CREG2: variants seen among roughly 807,000 people sequenced by gnomAD.
The protein encoded by CREG2 is cellular repressor of E1A stimulated genes 2.
A neutral mutation model predicts 26.2 loss-of-function variants in CREG2; 24 were observed. The ratio of observed to expected loss-of-function variants is 0.92; its 90% CI spans 0.66 to 1.29. The LOEUF is 1.29. CREG2 is among the 50% of genes most tolerant of loss of function. CREG2 has a pLI of 0.00. For missense variants in CREG2, 366 were observed against 398.6 expected, an observed-to-expected ratio of 0.92 and a Z score of 0.70; for synonymous variants, 174 against 169.2, an observed-to-expected ratio of 1.03 and a Z score of -0.22.
intron 1 of CREG2, among the ~76,000 whole-genome samples, chr2:101,385,905 G>A (rs773081348): frequency 6.6e-6 from 1 of 152,192 alleles, no homozygotes; most frequent in Non-Finnish European, 1.5e-5. Context: ...ACATTGGCAC[G>A]AGACTATTTA....
In CREG2 at chr2:101,350,929, C is replaced by T; in HGVS notation, c.867G>A (p.Lys289=). 1.2e-6 allele frequency: 2 copies of T among 1,614,072 alleles called. No homozygotes were observed. The highest frequency in any genetic ancestry group is 2.2e-5 in the South Asian group (2 of 91,056). The change falls in exon 4 of 4, where the codon AAG becomes AAA. Residue 289 remains lysine (K), a synonymous_variant. Transcript: ENST00000324768. Reference sequence around the variant, plus strand: ...GGACTTTCTTCTCACTCCATCAGGCCTTTCTGGGAACTGCTTTGAAATATT... The same window carrying T: ...GGACTTTCTTCTCACTCCATCAGGCTTTTCTGGGAACTGCTTTGAAATATT... The part of the protein sequence containing the change: ...REEYFKAVPR[K]A
At chr2:101,355,141 G>A (rs139294792) in intron 3 of CREG2, 112 bp downstream of exon 3, 51 of 702,832 alleles carry the variant, frequency 7.3e-5, no homozygotes, top group Non-Finnish European at 1.2e-4. Flanking sequence ...CCCACCGAAG[G>A]GCAGTGGAGA....
chr2:101,351,017 A>G lies in CREG2; in HGVS notation c.779T>C (p.Met260Thr), dbSNP rs768919038. The G allele has an allele frequency of 1.2e-6, 2 of 1,614,116 alleles. No individual in the cohort carries two copies. Among genetic ancestry groups the G allele is most frequent in the Admixed American group, 3.3e-5 (2 of 60,026 alleles). The change falls in exon 4 of 4, where the codon ATG becomes ACG. Residue 260 changes from methionine to threonine, a missense_variant. Met to Thr is a moderately conservative substitution (Grantham distance 81). This residue lies in a region of CREG2 where 174 missense variants were observed against 178.2 expected (regional missense o/e 0.98). Transcript: ENST00000324768. ...CTGAAGCCAGATATGTTCTATCCTC[A>G]TCTTCATAAAGAACCATTCATATTG... Reference protein sequence around the residue: ...PRQYEWFFMKMRIEHIWLQKW... With the variant: ...PRQYEWFFMKTRIEHIWLQKW...
chr2:101,383,511 G>A (rs189032604), intron 2 of CREG2, 22 bp downstream of exon 2: 49 of 1,612,714 alleles, frequency 3.0e-5, no homozygotes, highest in Non-Finnish European at 3.9e-5. Context: ...ACCCGTGTGA[G>A]TGAGGGCAAA....
At chr2:101,368,700 G>A (rs1191569724) in intron 2 of CREG2, among the ~76,000 whole-genome samples, 2 of 152,190 alleles carry the variant, frequency 1.3e-5, no homozygotes, top group East Asian at 1.9e-4. Context: ...GGGAAAGCAC[G>A]CTAGACAAAA....
chr2:101,353,784 A>G (rs1684415144), intron 3 of CREG2, among the ~76,000 whole-genome samples: 1 of 152,236 alleles, frequency 6.6e-6, no homozygotes, highest in Non-Finnish European at 1.5e-5. Flanking sequence ...CTATGCAGCC[A>G]TAGAAAAGGA....
chr2:101,359,057 AAAAAAAAAAAAAAAAG>A lies in CREG2; in HGVS notation c.612-3707_612-3692del, dbSNP rs1428122893. ...CTCAAAAAAAAAAAAAAAAAAAAAA[AAAAAAAAAAAAAAAAG>A]AGAGAACTGAGGCAAGTTTTAGAGC... On this transcript the variant is annotated intron_variant, in intron 2 of 3. Coordinates refer to ENST00000324768, the MANE Select transcript of CREG2 (RefSeq NM_153836.4). Among the ~76,000 whole-genome samples, 20 of 17,170 alleles carry A rather than the reference AAAAAAAAAAAAAAAAG, an allele frequency of 1.2e-3. 5 individuals are homozygous for A. The highest frequency in any genetic ancestry group is 3.1e-3 in the Admixed American group (4 of 1,300). The allele number at this position is 17,170 out of a possible 152,430, so 11.3% of individuals were successfully genotyped here. A position where few individuals can be genotyped will look rare whatever the true frequency, so the allele number is the denominator to read the frequency against.
At chr2:101,379,911 G>T (rs1214231074) in intron 2 of CREG2, among the ~76,000 whole-genome samples, 1 of 152,146 alleles carries the variant, frequency 6.6e-6, no homozygotes, top group Non-Finnish European at 1.5e-5. Flanking sequence ...GGGAGACCAA[G>T]CAGGGGCAAC....
At chr2:101,353,907 T>C (rs143458183) in intron 3 of CREG2, among the ~76,000 whole-genome samples, 1,970 of 151,630 alleles carry the variant, frequency 0.013, 49 homozygotes, top group African/African-American at 0.045. Flanking sequence ...TAAGTGGGAG[T>C]TGAACAATGA....
chr2:101,366,988 G>T (rs1684627086), intron 2 of CREG2, among the ~76,000 whole-genome samples: 1 of 152,122 alleles, frequency 6.6e-6, no homozygotes, highest in African/African-American at 2.4e-5. Flanking sequence ...TTATATCAGG[G>T]ACTTGAGCAT....
chr2:101,371,134 C>G (rs560220578), intron 2 of CREG2, among the ~76,000 whole-genome samples: 1 of 152,150 alleles, frequency 6.6e-6, no homozygotes, highest in Non-Finnish European at 1.5e-5. Flanking sequence ...ATGACCCCTG[C>G]CCCCTCCCCG....
rs945001315 is a variant in CREG2, at chr2:101,349,618, A to G, written c.*1305T>C. ...GATCAGAGGTCTTAGATATATATAC[A>G]TAGGTCCATGTAGACCTTAGAAGTG... On this transcript the variant is annotated 3_prime_UTR_variant, in exon 4 of 4. Coordinates refer to ENST00000324768, the MANE Select transcript of CREG2 (RefSeq NM_153836.4). The G allele has an allele frequency of 2.6e-5, 4 of 152,558 alleles. No homozygotes were observed. Among genetic ancestry groups the G allele is most frequent in the Admixed American group, 6.5e-5 (1 of 15,290 alleles). The allele number at this position is 152,558 out of a possible 1,614,324, so 9.5% of individuals were successfully genotyped here. A position where few individuals can be genotyped will look rare whatever the true frequency, so the allele number is the denominator to read the frequency against.
Position 101,347,113 on chromosome 2 carries a change from A to G in CREG2, c.*3810T>C, listed in dbSNP as rs1291281244. ...TGATTGGCTTTGCTCACTCAGCACA[A>G]TTCTCTGGAATTCATCCCAGTGGTT... On this transcript the variant is annotated 3_prime_UTR_variant, in exon 4 of 4. Transcript: ENST00000324768. 1 of 152,196 alleles carries G rather than the reference A, an allele frequency of 6.6e-6. No homozygotes were observed. Among genetic ancestry groups the G allele is most frequent in the African/African-American group, 2.4e-5 (1 of 41,432 alleles). The allele number at this position is 152,196 out of a possible 1,614,324, so 9.4% of individuals were successfully genotyped here.
chr2:101,351,653 C>T (rs796897643), intron 3 of CREG2, among the ~76,000 whole-genome samples: 14 of 152,286 alleles, frequency 9.2e-5, no homozygotes, highest in African/African-American at 1.9e-4. Context: ...TGACAGGCAA[C>T]GTCACATCCC....
Position 101,364,171 on chromosome 2 carries a change from T to A in CREG2, c.612-8805A>T, listed in dbSNP as rs546497222. On this transcript the variant is annotated intron_variant, in intron 2 of 3. Coordinates refer to ENST00000324768, the MANE Select transcript of CREG2 (RefSeq NM_153836.4). Reference sequence around the variant, plus strand: ...TGCCAATAGAACCCATTGAGATATGTCACAAGGCTTTGTCTCTCCCTGATG... The same window carrying A: ...TGCCAATAGAACCCATTGAGATATGACACAAGGCTTTGTCTCTCCCTGATG... 2.6e-5 allele frequency among the ~76,000 whole-genome samples: 4 copies of A among 152,290 alleles called. No homozygotes were observed. In the South Asian group the frequency reaches 6.2e-4, roughly 24 times the overall value.
In CREG2 at chr2:101,351,059, A is replaced by T; in HGVS notation, c.737T>A (p.Met246Lys). ...KQAMFSRHPG[M>K]RKWPRQYEWF... The stretch of plus-strand genomic sequence containing the variant: ...TTCATATTGACGAGGCCACTTCCTC[A>T]TCCCTGGGTGCCTGCAGGAATAAAG... Residue 246 changes from methionine to lysine, a missense_variant, in exon 4 of 4, where the codon ATG becomes AAG. By Grantham distance (95) the Met-to-Lys change is moderately conservative. Around this residue, in one of 3 missense-constraint regions of CREG2, gnomAD observed 174 missense variants for 178.2 expected, o/e 0.98. Transcript: ENST00000324768. 3 of 1,614,054 alleles carry T rather than the reference A, an allele frequency of 1.9e-6. No individual in the cohort carries two copies. Among genetic ancestry groups the T allele is most frequent in the Non-Finnish European group, 2.5e-6 (3 of 1,179,970 alleles).
rs1342845037 is a variant in CREG2 at position 101,345,708 on chromosome 2, A to G, written c.*5215T>C. 6.6e-6 allele frequency: 1 copy of G among 152,218 alleles called. No individual in the cohort carries two copies. The highest frequency in any genetic ancestry group is 1.5e-5 in the Non-Finnish European group (1 of 68,034). The allele number at this position is 152,218 out of a possible 1,614,324, so 9.4% of individuals were successfully genotyped here. A position where few individuals can be genotyped will look rare whatever the true frequency, so the allele number is the denominator to read the frequency against. On this transcript the variant is annotated 3_prime_UTR_variant, in exon 4 of 4. Coordinates refer to ENST00000324768, the MANE Select transcript of CREG2 (RefSeq NM_153836.4). Reference sequence around the variant, plus strand: ...TACAATTCAAATTGTACAATAATTGACTTTCTGTTATAGCAATCAAATAAG... The same window carrying G: ...TACAATTCAAATTGTACAATAATTGGCTTTCTGTTATAGCAATCAAATAAG...
chr2:101,353,751 T>C (rs993010013), intron 3 of CREG2, among the ~76,000 whole-genome samples: 2 of 152,160 alleles, frequency 1.3e-5, no homozygotes, highest in Admixed American at 6.5e-5. Context: ...AAAGAAAATG[T>C]GGCACATATA....
chr2:101,366,422 G>A (rs1239682020), intron 2 of CREG2, among the ~76,000 whole-genome samples: 1 of 152,034 alleles, frequency 6.6e-6, no homozygotes, highest in Non-Finnish European at 1.5e-5. Context: ...AGAAGCCTTG[G>A]ACATACAGTT....
Sources: gnomAD v4.1 joint callset for allele counts (sites outside exome capture counted in the v4.1 genomes callset) on GRCh38, gnomAD v4.1.1 for gene constraint, gnomAD v4.1.1 regional missense constraint, MANE v1.5 for transcripts, NCBI Gene and HGNC (gene_info 2026-07-23, HGNC 2026-07-21) for gene names.